The following LRP1B variants were observed in gnomAD, a reference collection of about 807,000 sequenced individuals.
LRP1B encodes LDL receptor related protein 1B, also known as low-density lipoprotein receptor-related protein 1B.
Under a neutral mutation model 556.6 loss-of-function variants are expected in LRP1B, and 217 were observed. The observed-to-expected ratio is 0.39, with a 90% CI of 0.35 to 0.44. LRP1B has a LOEUF of 0.44. Among genes scored for constraint, LRP1B ranks in the 20% least tolerant of loss-of-function variants. The probability of loss-of-function intolerance (pLI) is 1.00; values close to 1 mark genes in which losing one functional copy is unlikely to be tolerated. For synonymous variants in LRP1B, 2,047 were observed against 1,865.8 expected, an observed-to-expected ratio of 1.10 and a Z score of -2.50; for missense variants, 5,053 against 5,620.8, an observed-to-expected ratio of 0.90 and a Z score of 3.23.
At chr2:141,614,916 C>G (rs948991542) in intron 2 of LRP1B, among the ~76,000 whole-genome samples, 3 of 152,172 alleles carry the variant, frequency 2.0e-5, no homozygotes, top group Admixed American at 6.5e-5. Context: ...TTCTGGAACA[C>G]ACTGCATCCT....
chr2:140,565,407 T>G (rs149628601), intron 43 of LRP1B, among the ~76,000 whole-genome samples: 2 of 152,010 alleles, frequency 1.3e-5, no homozygotes, highest in Non-Finnish European at 2.9e-5. Flanking sequence ...TTAGAAAACA[T>G]GTTTACTTTT....
chr2:142,069,545 C>T (rs1401199014), intron 1 of LRP1B, among the ~76,000 whole-genome samples: 3 of 151,720 alleles, frequency 2.0e-5, no homozygotes, highest in Middle Eastern at 3.4e-3. Flanking sequence ...CATTCATTCA[C>T]TTAATCTTTT....
chr2:141,965,814 G>T (rs1353622204), intron 1 of LRP1B, among the ~76,000 whole-genome samples: 1 of 110,930 alleles, frequency 9.0e-6, no homozygotes, highest in Non-Finnish European at 2.0e-5. Context: ...AAAAAAAAAA[G>T]AAAATTGTTT....
intron 85 of LRP1B, among the ~76,000 whole-genome samples, chr2:140,272,216 T>C (rs1682489944): frequency 6.6e-6 from 1 of 151,212 alleles, no homozygotes; most frequent in African/African-American, 2.4e-5. Flanking sequence ...TAAATTTTCA[T>C]AATTTTCTTT....
chr2:141,850,952 C>T (rs1275581790), intron 1 of LRP1B, among the ~76,000 whole-genome samples: 1 of 151,600 alleles, frequency 6.6e-6, no homozygotes, highest in Non-Finnish European at 1.5e-5. Context: ...TATATAACTC[C>T]TTTGGGCTCT....
chr2:140,667,049 T>C (rs1205584929), intron 41 of LRP1B, among the ~76,000 whole-genome samples: 4 of 152,190 alleles, frequency 2.6e-5, no homozygotes, highest in Non-Finnish European at 4.4e-5. Flanking sequence ...GTAACTATTG[T>C]GTTTAAAATA....
At chr2:140,807,117 CTG>C (rs1467263343) in intron 32 of LRP1B, among the ~76,000 whole-genome samples, 3 of 152,208 alleles carry the variant, frequency 2.0e-5, no homozygotes, top group African/African-American at 4.8e-5. Context: ...GTTCGCCTCA[CTG>C]TCTCCTGCAG....
intron 27 of LRP1B, among the ~76,000 whole-genome samples, chr2:140,860,327 A>G (rs1437705719): frequency 6.6e-6 from 1 of 152,190 alleles, no homozygotes; most frequent in Non-Finnish European, 1.5e-5. Context: ...GAAACCTCTC[A>G]ATGTCTTACT....
intron 75 of LRP1B, among the ~76,000 whole-genome samples, 181 bp downstream of exon 75, chr2:140,356,161 G>A (rs1573837665): frequency 8.1e-6 from 1 of 123,444 alleles, no homozygotes; most frequent in African/African-American, 2.7e-5. Context: ...GTCGTGGTTA[G>A]CTTAGCTCCA....
intron 9 of LRP1B, among the ~76,000 whole-genome samples, 155 bp from the exon 10 acceptor site, chr2:141,055,414 A>G (rs1046037521): frequency 1.3e-5 from 2 of 152,030 alleles, no homozygotes; most frequent in Non-Finnish European, 2.9e-5. Flanking sequence ...AATGCAAAAG[A>G]GTGTAAACCC....
intron 2 of LRP1B, among the ~76,000 whole-genome samples, chr2:141,516,901 T>C (rs540029323): frequency 6.7e-6 from 1 of 149,430 alleles, no homozygotes; most frequent in African/African-American, 2.5e-5. Flanking sequence ...TTCAGCACGT[T>C]GGCCAGGCTG....
intron 86 of LRP1B, among the ~76,000 whole-genome samples, chr2:140,270,013 T>C (rs1682386170): frequency 1.3e-5 from 2 of 151,950 alleles, no homozygotes; most frequent in South Asian, 4.1e-4. Context: ...TATGCATGTC[T>C]GAAATGGTAC....
intron 3 of LRP1B, among the ~76,000 whole-genome samples, chr2:141,402,671 C>G (rs917033129): frequency 6.6e-6 from 1 of 151,924 alleles, no homozygotes; most frequent in Admixed American, 6.6e-5. Flanking sequence ...TAGATACAAT[C>G]AAAAAACTTG....
At chr2:140,721,522 G>A (rs999708178) in intron 35 of LRP1B, among the ~76,000 whole-genome samples, 6 of 143,636 alleles carry the variant, frequency 4.2e-5, no homozygotes, top group African/African-American at 1.5e-4. Flanking sequence ...GTGTTGAATT[G>A]GATCAAAGAT....
chr2:140,960,162 C>G (rs185319422), intron 18 of LRP1B, among the ~76,000 whole-genome samples: 2 of 150,650 alleles, frequency 1.3e-5, no homozygotes, highest in African/African-American at 4.8e-5. Context: ...CTCAGGCTAC[C>G]CAGGCAATTG....
intron 46 of LRP1B, 133 bp from the exon 47 acceptor site, chr2:140,534,273 A>G (rs1690850906): frequency 1.3e-6 from 1 of 781,520 alleles, no homozygotes. Context: ...GCCATATAAT[A>G]GCTCTGGATT....
intron 18 of LRP1B, among the ~76,000 whole-genome samples, chr2:140,952,456 G>A (rs1695745121): frequency 6.6e-6 from 1 of 151,600 alleles, no homozygotes; most frequent in African/African-American, 2.4e-5. Context: ...AGGTAAGCCA[G>A]TATCACCTAG....
rs559970307 is a variant in LRP1B at position 141,372,062 on chromosome 2, T to G, written c.343+108334A>C. ...TCTTCTGTCCCTAATTTGAAGATTT[T>G]TATTATGAAAAGATACTGAATTTTA... On this transcript the variant is annotated intron_variant, in intron 3 of 90. Coordinates refer to ENST00000389484, the MANE Select transcript of LRP1B (RefSeq NM_018557.3). Among the ~76,000 whole-genome samples the G allele has an allele frequency of 6.6e-5, 10 of 152,282 alleles. No homozygotes were observed. In the South Asian group the frequency reaches 2.1e-3, roughly 32 times the overall value.
intron 2 of LRP1B, among the ~76,000 whole-genome samples, chr2:141,679,590 T>A (rs1691031248): frequency 6.6e-6 from 1 of 152,094 alleles, no homozygotes. Flanking sequence ...AGGCTACCAA[T>A]CCCTCTTCTA....
Sources: gnomAD v4.1 joint callset for allele counts (sites outside exome capture counted in the v4.1 genomes callset) on GRCh38, gnomAD v4.1.1 for gene constraint, MANE v1.5 for transcripts, NCBI Gene and HGNC (gene_info 2026-07-23, HGNC 2026-07-21) for gene names.